Variants in RILPL1 observed in about 807,000 individuals in gnomAD.
RILPL1 encodes the protein Rab interacting lysosomal protein like 1, also known as RILP-like protein 1.
In RILPL1, 33 loss-of-function variants were observed where a neutral mutation model predicts 50.3. The ratio of observed to expected loss-of-function variants is 0.66; its 90% CI spans 0.50 to 0.88. The LOEUF is 0.88. Among genes scored for constraint, RILPL1 ranks in the 40% least tolerant of loss-of-function variants. The pLI is 0.00. For missense variants in RILPL1, 418 were observed against 542.5 expected, an observed-to-expected ratio of 0.77 and a Z score of 2.28; for synonymous variants, 205 against 228.6, an observed-to-expected ratio of 0.90 and a Z score of 0.93.
At chr12:123,490,186 T>C (rs1882599212) in intron 4 of RILPL1, among the ~76,000 whole-genome samples, 1 of 151,960 alleles carries the variant, frequency 6.6e-6, no homozygotes, top group Non-Finnish European at 1.5e-5. Flanking sequence ...CTCTCCTGTG[T>C]CTCTGGGAGG....
intron 1 of RILPL1, among the ~76,000 whole-genome samples, chr12:123,527,369 T>C (rs1472535901): frequency 2.0e-5 from 3 of 150,814 alleles, no homozygotes; most frequent in South Asian, 4.2e-4. Flanking sequence ...CTGGGCATGA[T>C]GGCTTACGCC....
At position 123,482,954 on chromosome 12, in the gene RILPL1, C is replaced by T. The variant is rs560279958; in HGVS notation, c.1067+1226G>A. Reference sequence around the variant, plus strand: ...AGGGCCCAGCAGTGACAAACCTGCACGGCTCTGCATTGTCTACTCACAGGG... The same window carrying T: ...AGGGCCCAGCAGTGACAAACCTGCATGGCTCTGCATTGTCTACTCACAGGG... On this transcript the variant is annotated intron_variant, in intron 6 of 6. Transcript: ENST00000376874. 1.4e-4 allele frequency among the ~76,000 whole-genome samples: 21 copies of T among 152,266 alleles called. No individual in the cohort carries two copies. In the East Asian group the frequency reaches 3.7e-3, roughly 27 times the overall value.
At chr12:123,517,045 G>A (rs996429845) in intron 2 of RILPL1, among the ~76,000 whole-genome samples, 9 of 152,118 alleles carry the variant, frequency 5.9e-5, no homozygotes, top group East Asian at 1.9e-4. Flanking sequence ...TCCAGCCTGC[G>A]GGGCAAAGTG....
intron 6 of RILPL1, among the ~76,000 whole-genome samples, chr12:123,480,467 G>C (rs147333427): frequency 3.3e-5 from 5 of 151,972 alleles, no homozygotes; most frequent in Non-Finnish European, 5.9e-5. Context: ...GGCCTGAAAG[G>C]CTAATTCTTA....
Position 123,522,386 on chromosome 12 carries a change from T to C in RILPL1, c.460+1109A>G, listed in dbSNP as rs990989752. On this transcript the variant is annotated intron_variant, in intron 2 of 6. Coordinates refer to ENST00000376874, the MANE Select transcript of RILPL1 (RefSeq NM_178314.5). The surrounding 1 kb of genome is among the most constrained non-coding windows in gnomAD (Gnocchi z 4.0). ...CATGAAGGTTCTAAACAAGTGCTTA[T>C]TGGATAAGTGACAGTTCAGGGGCTC... Among the ~76,000 whole-genome samples, 2 of 152,202 alleles carry C rather than the reference T, an allele frequency of 1.3e-5. No homozygotes were observed. Among genetic ancestry groups the C allele is most frequent in the Non-Finnish European group, 2.9e-5 (2 of 68,040 alleles).
intron 1 of RILPL1, among the ~76,000 whole-genome samples, chr12:123,525,757 C>T (rs1316552940): frequency 6.7e-6 from 1 of 149,438 alleles, no homozygotes; most frequent in African/African-American, 2.5e-5. Flanking sequence ...GTTGCCCAGG[C>T]TTGTCTCAAC....
At chr12:123,516,282 G>T (rs1219674981) in intron 2 of RILPL1, among the ~76,000 whole-genome samples, 1 of 152,188 alleles carries the variant, frequency 6.6e-6, no homozygotes, top group Admixed American at 6.5e-5. Flanking sequence ...GCTCTTTGAT[G>T]TGCCTTTGCT....
chr12:123,487,749 T>G (rs189334068), intron 4 of RILPL1, among the ~76,000 whole-genome samples: 1 of 152,352 alleles, frequency 6.6e-6, no homozygotes, highest in Non-Finnish European at 1.5e-5. Context: ...TGTATTAGTG[T>G]GGACACTTGT....
intron 6 of RILPL1, among the ~76,000 whole-genome samples, chr12:123,482,695 T>C (rs1392375459): frequency 1.3e-5 from 2 of 151,636 alleles, no homozygotes; most frequent in African/African-American, 4.9e-5. Context: ...CTTGGCTCAC[T>C]GAAGCCTCAA....
At chr12:123,526,607 G>A (rs1357560191) in intron 1 of RILPL1, among the ~76,000 whole-genome samples, 2 of 152,326 alleles carry the variant, frequency 1.3e-5, no homozygotes, top group East Asian at 3.9e-4. Context: ...TTCATCACAA[G>A]CGGCCAGGTG....
At chr12:123,510,131 G>A (rs1023148685) in intron 2 of RILPL1, among the ~76,000 whole-genome samples, 1 of 152,246 alleles carries the variant, frequency 6.6e-6, no homozygotes, top group Non-Finnish European at 1.5e-5. Flanking sequence ...CAACCAAGCC[G>A]GGCCCCCCGC....
chr12:123,501,565 T>C (rs963176407), intron 2 of RILPL1, among the ~76,000 whole-genome samples: 64 of 151,894 alleles, frequency 4.2e-4, no homozygotes, highest in Admixed American at 4.1e-3. Context: ...ATCGAGACCA[T>C]CCTGGCCAAC....
rs1249125387 is a variant in RILPL1, at chr12:123,533,474, C to A, written c.9G>T (p.Glu3Asp). The change falls in exon 1 of 7, where the codon GAG becomes GAT. Residue 3 changes from glutamate to aspartate, a missense_variant. Physicochemically the swap from Glu to Asp is conservative, Grantham distance 45. Transcript: ENST00000376874. This position sits in a 1 kb window ranked among gnomAD's most constrained non-coding sequence, Gnocchi z 6.2. ...CGGCCGCCAGCGCCGACCCCCGCTC[C>A]TCCTCCATGGCCACCCTCCTGGCCT... The part of the protein sequence containing the change: ME[E>D]ERGSALAAES... The A allele has an allele frequency of 6.6e-7, 1 of 1,525,650 alleles. No homozygotes were observed. Among genetic ancestry groups the A allele is most frequent in the Non-Finnish European group, 8.8e-7 (1 of 1,134,696 alleles). 94.5% of individuals were successfully genotyped at this position (1,525,650 alleles called of 1,614,324 possible).
At chr12:123,479,431 G>C (rs1000258928) in intron 6 of RILPL1, among the ~76,000 whole-genome samples, 1 of 152,152 alleles carries the variant, frequency 6.6e-6, no homozygotes, top group Non-Finnish European at 1.5e-5. Context: ...AGGAAGGACG[G>C]AAGAGACCCA....
At chr12:123,506,554 G>A (rs1039074053) in intron 2 of RILPL1, among the ~76,000 whole-genome samples, 8 of 152,186 alleles carry the variant, frequency 5.3e-5, no homozygotes, top group Non-Finnish European at 8.8e-5. Flanking sequence ...GGACCCTGCA[G>A]TGCAGGGAAT....
At chr12:123,509,183 G>T (rs1883935844) in intron 2 of RILPL1, among the ~76,000 whole-genome samples, 2 of 151,960 alleles carry the variant, frequency 1.3e-5, no homozygotes, top group Non-Finnish European at 2.9e-5. Context: ...CCAAGAAGTG[G>T]AAGCAAGCTA....
At chr12:123,503,888 C>T (rs9697459) in intron 2 of RILPL1, among the ~76,000 whole-genome samples, 44,414 of 151,048 alleles carry the variant, frequency 0.29, 7,562 homozygotes, top group African/African-American at 0.47. Context: ...GTAATCCCAG[C>T]TACTCGGGAG....
At position 123,489,320 on chromosome 12, in the gene RILPL1, G is replaced by A. The variant is rs529651958; in HGVS notation, c.802-3515C>T. On this transcript the variant is annotated intron_variant, in intron 4 of 6. Transcript: ENST00000376874. This position sits in a 1 kb window ranked among gnomAD's most constrained non-coding sequence, Gnocchi z 4.0. Reference sequence around the variant, plus strand: ...GCGGATCACCTGAAGTCAGGAGTTCGAGACCAGCCTGGACAACATGGTGAA... The same window carrying A: ...GCGGATCACCTGAAGTCAGGAGTTCAAGACCAGCCTGGACAACATGGTGAA... 7.4e-4 allele frequency among the ~76,000 whole-genome samples: 113 copies of A among 152,180 alleles called. No homozygotes were observed. The highest frequency in any genetic ancestry group is 3.4e-3 in the Middle Eastern group (1 of 294).
At chr12:123,517,573 C>A (rs1004136984) in intron 2 of RILPL1, among the ~76,000 whole-genome samples, 1 of 152,034 alleles carries the variant, frequency 6.6e-6, no homozygotes, top group Non-Finnish European at 1.5e-5. Context: ...AGGTGCACGC[C>A]ACCACACCTG....
Sources: allele counts gnomAD v4.1 joint callset (sites outside exome capture counted in the v4.1 genomes callset), GRCh38; gene constraint gnomAD v4.1.1; non-coding constraint Gnocchi (gnomAD v3.1); transcripts MANE v1.5; gene names NCBI Gene and HGNC (gene_info 2026-07-23, HGNC 2026-07-21).